The following OR2T35 variants were observed in gnomAD, a reference collection of about 807,000 sequenced individuals.
OR2T35 encodes olfactory receptor 2T35.
For synonymous variants in OR2T35, 18 were observed against 110.2 expected, an observed-to-expected ratio of 0.16 and a Z score of 5.24; for missense variants, 47 against 278.8, an observed-to-expected ratio of 0.17 and a Z score of 5.92.
At chr1:248,644,166 TAGC>T (rs1351497077) in intron 1 of OR2T35, among the ~76,000 whole-genome samples, 4 of 121,002 alleles carry the variant, frequency 3.3e-5, no homozygotes, top group Non-Finnish European at 7.1e-5. Flanking sequence ...ACATGGTAGA[TAGC>T]AACCTGGCGG....
chr1:248,639,442 A>G (rs1221882505), intron 1 of OR2T35, among the ~76,000 whole-genome samples, 162 bp from the exon 2 acceptor site: 2 of 151,904 alleles, frequency 1.3e-5, no homozygotes, highest in East Asian at 3.9e-4. Flanking sequence ...ATGATATTGG[A>G]CAGAAAATTA....
rs773733752 is a variant in OR2T35, at chr1:248,638,725, GAA to G, written c.532_533del (p.Phe178LeufsTer2). On this transcript the variant is annotated frameshift_variant, in exon 2 of 2. Transcript: ENST00000641268. LOFTEE classifies it low-confidence loss of function (END_TRUNC). The stretch of plus-strand genomic sequence containing the variant: ...ACTTCAGCACGGCTGGGATCTCACA[GAA>G]AAAGTGATTGATCTCTCGGGATCTA... ...FCRSREINHF[F>X]CEIPAVLKLS... is the part of the protein sequence containing the mutation. 196 of 1,256,354 alleles carry G rather than the reference GAA, an allele frequency of 1.6e-4. 4 individuals are homozygous for G. The highest frequency in any genetic ancestry group is 1.9e-4 in the Admixed American group (10 of 53,064). 77.8% of individuals were successfully genotyped at this position (1,256,354 alleles called of 1,614,324 possible).
chr1:248,644,178 G>T (rs1196426939), intron 1 of OR2T35, among the ~76,000 whole-genome samples: 21 of 120,210 alleles, frequency 1.7e-4, no homozygotes, highest in Middle Eastern at 7.2e-3. Context: ...GCAACCTGGC[G>T]GATTGCAGGT....
At position 248,645,100 on chromosome 1, in the gene OR2T35, GAT is replaced by G. The variant is rs1258644052; in HGVS notation, c.-23+145_-23+146del. On this transcript the variant is annotated intron_variant, in intron 1 of 1. Transcript: ENST00000641268. The stretch of plus-strand genomic sequence containing the variant: ...TTTCAGTGTGGAAAGTTAGGCATAA[GAT>G]AGAAGAGGTTTGCTTGGCTTAAAAA... 6 of 106,542 alleles carry G rather than the reference GAT, an allele frequency of 5.6e-5. 1 individual carries two copies. The highest frequency in any genetic ancestry group is 1.8e-4 in the African/African-American group (6 of 33,260). The allele number at this position is 106,542 out of a possible 1,614,324, so 6.6% of individuals were successfully genotyped here.
At position 248,638,725 on chromosome 1, in the gene OR2T35, G is replaced by C; in HGVS notation, c.534C>G (p.Phe178Leu). ...ACTTCAGCACGGCTGGGATCTCACA[G>C]AAAAAGTGATTGATCTCTCGGGATC... ...FCRSREINHF[F>L]CEIPAVLKLS... is the part of the protein sequence containing the mutation. The change falls in exon 2 of 2, where the codon TTC becomes TTG. Residue 178 changes from phenylalanine to leucine, a missense_variant. By Grantham distance (22) the Phe-to-Leu change is conservative. Transcript: ENST00000641268. The C allele has an allele frequency of 8.0e-7, 1 of 1,256,434 alleles. No individual in the cohort carries two copies. The highest frequency in any genetic ancestry group is 1.9e-5 in the Admixed American group (1 of 53,088). 77.8% of individuals were successfully genotyped at this position (1,256,434 alleles called of 1,614,324 possible).
chr1:248,645,028 G>T (rs1660842403), intron 1 of OR2T35, among the ~76,000 whole-genome samples: 1 of 109,718 alleles, frequency 9.1e-6, no homozygotes. Flanking sequence ...TTCATTCGTG[G>T]AAAAGTAGTC....
chr1:248,644,667 G>A (rs1215732982), intron 1 of OR2T35, among the ~76,000 whole-genome samples: 1 of 139,370 alleles, frequency 7.2e-6, no homozygotes, highest in African/African-American at 2.7e-5. Context: ...CAGTCAGAAA[G>A]TTACATGCTG....
intron 1 of OR2T35, among the ~76,000 whole-genome samples, chr1:248,643,851 T>TC (rs1436533010): frequency 9.8e-5 from 3 of 30,682 alleles, no homozygotes; most frequent in Non-Finnish European, 2.2e-4. Context: ...TATGAGGGTT[T>TC]CTCTCTCCTT....
chr1:248,639,418 T>C (rs1490348765), intron 1 of OR2T35, 138 bp from the exon 2 acceptor site: 5 of 661,556 alleles, frequency 7.6e-6, no homozygotes, highest in African/African-American at 1.8e-5. Context: ...TGGGTTTCAG[T>C]ATTAATGATC....
At chr1:248,642,239 AAAGAAAAAG>A (rs1476831534) in intron 1 of OR2T35, among the ~76,000 whole-genome samples, 1 of 100,822 alleles carries the variant, frequency 9.9e-6, no homozygotes, top group African/African-American at 2.7e-5. Context: ...AAAAAAAGAA[AAAGAAAAAG>A]AAAAAGCTTT....
At chr1:248,644,231 C>A (rs1660826900) in intron 1 of OR2T35, among the ~76,000 whole-genome samples, 2 of 59,866 alleles carry the variant, frequency 3.3e-5, no homozygotes, top group Non-Finnish European at 9.0e-5. Flanking sequence ...AGAGGAATAC[C>A]ATGTCAGAAT....
chr1:248,641,947 G>A (rs867384342), intron 1 of OR2T35, among the ~76,000 whole-genome samples: 2,754 of 63,666 alleles, frequency 0.043, 28 homozygotes, highest in African/African-American at 0.097. Context: ...CATGCCTAAT[G>A]TTATTCCATA....
At position 248,643,247 on chromosome 1, in the gene OR2T35, T is replaced by TGGTG. The variant is rs1192086809; in HGVS notation, c.-23+1999_-23+2000insCACC. 8.5e-3 allele frequency among the ~76,000 whole-genome samples: 427 copies of TGGTG among 50,174 alleles called. 3 individuals carry two copies. Among genetic ancestry groups the TGGTG allele is most frequent in the African/African-American group, 0.033 (397 of 12,028 alleles). The allele number at this position is 50,174 out of a possible 152,430, so 32.9% of individuals were successfully genotyped here. A position where few individuals can be genotyped will look rare whatever the true frequency, so the allele number is the denominator to read the frequency against. ...AAAGAATGGCATGTCACCAACATGT[T>TGGTG]ACTAATCCTAAGTGCCACATAGCTC... is the stretch of plus-strand genomic sequence containing the variant. On this transcript the variant is annotated intron_variant, in intron 1 of 1. Transcript: ENST00000641268.
chr1:248,642,216 C>CAAAAAAAAAAA (rs61189391), intron 1 of OR2T35, among the ~76,000 whole-genome samples: 24 of 53,628 alleles, frequency 4.5e-4, no homozygotes, highest in Non-Finnish European at 8.3e-4. Context: ...CTAGTCTTTC[C>CAAAAAAAAAAA]AAAAAAAAAA....
intron 1 of OR2T35, among the ~76,000 whole-genome samples, chr1:248,644,862 G>A (rs923395327): frequency 1.4e-5 from 2 of 139,096 alleles, no homozygotes; most frequent in Non-Finnish European, 3.2e-5. Flanking sequence ...TTTGGACCTT[G>A]CTTCCTACAT....
chr1:248,638,210 A>T lies in OR2T35; in HGVS notation c.*77T>A, dbSNP rs1426813466. On this transcript the variant is annotated 3_prime_UTR_variant, in exon 2 of 2. Coordinates refer to ENST00000641268, the MANE Select transcript of OR2T35 (RefSeq NM_001001827.2). ...CCCTGCTAGTCCTTCCTGATCAGTC[A>T]CCACCCCTGATGCTCTGGGAGTCCC... is the stretch of plus-strand genomic sequence containing the variant. 4 of 670,298 alleles carry T rather than the reference A, an allele frequency of 6.0e-6. 1 individual carries two copies. Among genetic ancestry groups the T allele is most frequent in the Admixed American group, 3.4e-5 (1 of 29,538 alleles). 41.5% of individuals were successfully genotyped at this position (670,298 alleles called of 1,614,324 possible). A position where few individuals can be genotyped will look rare whatever the true frequency, so the allele number is the denominator to read the frequency against.
rs538647688 is a variant in OR2T35 at position 248,638,895 on chromosome 1, G to A, written c.364C>T (p.Arg122Cys). Residue 122 changes from arginine to cysteine, a missense_variant, in exon 2 of 2, where the codon CGC becomes TGC. Physicochemically the swap from Arg to Cys is radical, Grantham distance 180. Transcript: ENST00000641268. The part of the protein sequence containing the change: ...FFLLGLMAYD[R>C]YVAVCNPLRY... ...AGAGGGTTGCACACAGCCACATAGC[G>A]GTCATAGGCCATGAGACCCAGCAGG... is the stretch of plus-strand genomic sequence containing the variant. 136 of 560,152 alleles carry A rather than the reference G, an allele frequency of 2.4e-4. 2 individuals carry two copies. The highest frequency in any genetic ancestry group is 9.0e-4 in the South Asian group (52 of 57,564). The allele number at this position is 560,152 out of a possible 1,614,324, so 34.7% of individuals were successfully genotyped here.
In OR2T35 at chr1:248,641,610, A is replaced by G. The variant is rs183149641; in HGVS notation, c.-22-2330T>C. ...CAACCCCTAGATCTTATCTTACTGTAGGATCCCAGAAGAGGAGAGTAAAAA... is the reference window on the plus strand; with the variant it reads ...CAACCCCTAGATCTTATCTTACTGTGGGATCCCAGAAGAGGAGAGTAAAAA... On this transcript the variant is annotated intron_variant, in intron 1 of 1. Coordinates refer to ENST00000641268, the MANE Select transcript of OR2T35 (RefSeq NM_001001827.2). 6.3e-3 allele frequency among the ~76,000 whole-genome samples: 525 copies of G among 83,310 alleles called. 23 individuals are homozygous for G. Among genetic ancestry groups the G allele is most frequent in the Non-Finnish European group, 0.014 (402 of 29,378 alleles). The allele number at this position is 83,310 out of a possible 152,430, so 54.7% of individuals were successfully genotyped here.
chr1:248,638,191 TA>T lies in OR2T35; in HGVS notation c.*95del, dbSNP rs1660726985. ...CGCAGATGTTTGCACTAGTCCCTGC[TA>T]GTCCTTCCTGATCAGTCACCACCCC... On this transcript the variant is annotated 3_prime_UTR_variant, in exon 2 of 2. Transcript: ENST00000641268. The T allele has an allele frequency of 1.1e-6, 1 of 913,562 alleles. No individual in the cohort carries two copies. Among genetic ancestry groups the T allele is most frequent in the African/African-American group, 1.6e-5 (1 of 61,324 alleles). The allele number at this position is 913,562 out of a possible 1,614,324, so 56.6% of individuals were successfully genotyped here. A position where few individuals can be genotyped will look rare whatever the true frequency, so the allele number is the denominator to read the frequency against.
Sources: gnomAD v4.1 joint callset for allele counts (sites outside exome capture counted in the v4.1 genomes callset) on GRCh38, gnomAD v4.1.1 for gene constraint, MANE v1.5 for transcripts, NCBI Gene and HGNC (gene_info 2026-07-23, HGNC 2026-07-21) for gene names.